CDKL2: variants seen among roughly 807,000 people sequenced by gnomAD.
CDKL2 encodes the protein cyclin-dependent kinase-like 2.
Under a neutral mutation model 63.9 loss-of-function variants are expected in CDKL2, and 64 were observed. That is an observed-to-expected ratio of 1.00 (90% CI 0.82 to 1.23). The LOEUF is 1.23. CDKL2 is among the 50% of genes most tolerant of loss of function. CDKL2 has a pLI of 0.00. For missense variants in CDKL2, 656 were observed against 668.0 expected, an observed-to-expected ratio of 0.98 and a Z score of 0.20; for synonymous variants, 211 against 229.2, an observed-to-expected ratio of 0.92 and a Z score of 0.72.
At chr4:75,592,469 C>G (rs1367837920) in intron 10 of CDKL2, among the ~76,000 whole-genome samples, 200 bp from the exon 11 acceptor site, 1 of 152,158 alleles carries the variant, frequency 6.6e-6, no homozygotes, top group African/African-American at 2.4e-5. Flanking sequence ...ATTAAAATTG[C>G]TAACAAGTAG....
At chr4:75,591,737 A>C in intron 12 of CDKL2, 82 bp downstream of exon 12, 1 of 905,040 alleles carries the variant, frequency 1.1e-6, no homozygotes, top group Non-Finnish European at 1.6e-6. Flanking sequence ...AATTCTTAAG[A>C]GCAAACTCTC....
In CDKL2 at chr4:75,603,944, G is replaced by A. The variant is rs1377013323; in HGVS notation, c.668C>T (p.Pro223Leu). 6.2e-7 allele frequency: 1 copy of A among 1,606,056 alleles called. No individual in the cohort carries two copies. Among genetic ancestry groups the A allele is most frequent in the South Asian group, 1.1e-5 (1 of 89,506 alleles). ...HIMMCLGNLI[P>L]RHQELFNKNP... ...TTTATTAAAAAGCTCCTGATGCCTT[G>A]GAATTAGATTACCTGGAAGTGAAAA... Residue 223 changes from proline to leucine, a missense_variant, in exon 6 of 14, where the codon CCA becomes CTA. By Grantham distance (98) the Pro-to-Leu change is moderately conservative. Transcript: ENST00000307465.
In CDKL2 at chr4:75,627,737, T is replaced by C. The variant is rs531274443; in HGVS notation, c.-29-1720A>G. On this transcript the variant is annotated intron_variant, in intron 1 of 13. Coordinates refer to ENST00000307465, the MANE Select transcript of CDKL2 (RefSeq NM_001330724.2). ...TTTTCTTTACTTTTTTTTTCTTTTT[T>C]TTTTTTTTTTTTTTGAAACGGAGTC... is the stretch of plus-strand genomic sequence containing the variant. Among the ~76,000 whole-genome samples, 648 of 139,866 alleles carry C rather than the reference T, an allele frequency of 4.6e-3. 1 individual carries two copies. Among genetic ancestry groups the C allele is most frequent in the African/African-American group, 6.5e-3 (246 of 38,028 alleles). 91.8% of individuals were successfully genotyped at this position (139,866 alleles called of 152,430 possible).
chr4:75,610,935 T>A (rs937173343), intron 3 of CDKL2, among the ~76,000 whole-genome samples: 6 of 152,172 alleles, frequency 3.9e-5, no homozygotes, highest in Non-Finnish European at 7.4e-5. Flanking sequence ...AACAAAACCT[T>A]AAAATATACC....
chr4:75,591,301 A>G (rs550722022), intron 12 of CDKL2, among the ~76,000 whole-genome samples: 6 of 152,352 alleles, frequency 3.9e-5, no homozygotes, highest in African/African-American at 1.4e-4. Context: ...TAACCTATAA[A>G]AAATGGATTA....
chr4:75,623,205 G>T (rs1052486279), intron 2 of CDKL2, among the ~76,000 whole-genome samples: 8 of 152,112 alleles, frequency 5.3e-5, no homozygotes, highest in Non-Finnish European at 1.2e-4. Flanking sequence ...CTTGAGCCTG[G>T]GAGGCAGAGA....
At chr4:75,605,003 A>T (rs1357072672) in intron 5 of CDKL2, among the ~76,000 whole-genome samples, 1 of 152,172 alleles carries the variant, frequency 6.6e-6, no homozygotes, top group African/African-American at 2.4e-5. Flanking sequence ...GTCTCAAAAA[A>T]TAAAAAAGAA....
chr4:75,593,023 C>A (rs1208899124), intron 10 of CDKL2, among the ~76,000 whole-genome samples: 1 of 152,126 alleles, frequency 6.6e-6, no homozygotes, highest in Non-Finnish European at 1.5e-5. Context: ...TACACACAAA[C>A]ATATGTATAA....
At chr4:75,604,077 A>C in intron 5 of CDKL2, 121 bp from the exon 6 acceptor site, 1 of 900,718 alleles carries the variant, frequency 1.1e-6, no homozygotes, top group South Asian at 1.8e-5. Context: ...GGGCTCTCTC[A>C]ACATGCAAAA....
chr4:75,609,371 T>C lies in CDKL2; in HGVS notation c.364-2010A>G, dbSNP rs371382460. Among the ~76,000 whole-genome samples the C allele has an allele frequency of 9.1e-4, 137 of 149,780 alleles. 2 individuals carry two copies. The East Asian group carries it at 0.02, about 22-fold the overall frequency. ...CCTGTAATCCCAGCACTTTGGGAGGTTGAGGTGGGTGGATCATGAGGTCAG... is the reference window on the plus strand; with the variant it reads ...CCTGTAATCCCAGCACTTTGGGAGGCTGAGGTGGGTGGATCATGAGGTCAG... On this transcript the variant is annotated intron_variant, in intron 3 of 13. Coordinates refer to ENST00000307465, the MANE Select transcript of CDKL2 (RefSeq NM_001330724.2).
At chr4:75,605,207 G>T in intron 5 of CDKL2, among the ~76,000 whole-genome samples, 1 of 152,012 alleles carries the variant, frequency 6.6e-6, no homozygotes, top group East Asian at 1.9e-4. Context: ...TACGAAATTA[G>T]CTGGGCATGG....
At position 75,578,437 on chromosome 4, in the gene CDKL2, C is replaced by T. The variant is rs1728119631; in HGVS notation, c.*765G>A. 1 of 152,208 alleles carries T rather than the reference C, an allele frequency of 6.6e-6. No individual in the cohort carries two copies. Among genetic ancestry groups the T allele is most frequent in the South Asian group, 2.1e-4 (1 of 4,830 alleles). The allele number at this position is 152,208 out of a possible 1,614,324, so 9.4% of individuals were successfully genotyped here. A position where few individuals can be genotyped will look rare whatever the true frequency, so the allele number is the denominator to read the frequency against. Reference sequence around the variant, plus strand: ...TACAATACATGGAACTAACCAATGCCAGAGTTGTAGTAAGTCATTCGAAAG... The same window carrying T: ...TACAATACATGGAACTAACCAATGCTAGAGTTGTAGTAAGTCATTCGAAAG... On this transcript the variant is annotated 3_prime_UTR_variant, in exon 14 of 14. Transcript: ENST00000307465.
intron 3 of CDKL2, among the ~76,000 whole-genome samples, chr4:75,609,196 A>G (rs1203098676): frequency 1.3e-5 from 2 of 152,218 alleles, no homozygotes; most frequent in East Asian, 3.8e-4. Context: ...TGAGCACCCA[A>G]GTATAGACAT....
intron 5 of CDKL2, 150 bp from the exon 6 acceptor site, chr4:75,604,106 G>A (rs1027906976): frequency 3.3e-5 from 22 of 675,530 alleles, no homozygotes; most frequent in South Asian, 1.8e-4. Context: ...AGACAATGCC[G>A]TTACTGTGGT....
chr4:75,626,014 T>C lies in CDKL2; in HGVS notation c.-26A>G. The C allele has an allele frequency of 6.3e-7, 1 of 1,596,006 alleles. No homozygotes were observed. ...TTTAATTTAAAGTCCGTAGAAACTT[T>C]TTGCTGTGAAAACCAAAACATAGAT... is the stretch of plus-strand genomic sequence containing the variant. On this transcript the variant is annotated 5_prime_UTR_variant, in exon 2 of 14. Coordinates refer to ENST00000307465, the MANE Select transcript of CDKL2 (RefSeq NM_001330724.2).
At chr4:75,629,053 A>G (rs1323774179) in intron 1 of CDKL2, among the ~76,000 whole-genome samples, 4 of 151,168 alleles carry the variant, frequency 2.6e-5, no homozygotes, top group Non-Finnish European at 5.9e-5. Flanking sequence ...TTCCACTTCC[A>G]TTAACTATTT....
intron 1 of CDKL2, among the ~76,000 whole-genome samples, chr4:75,626,466 A>G (rs981210980): frequency 3.9e-5 from 6 of 152,132 alleles, no homozygotes; most frequent in African/African-American, 1.4e-4. Flanking sequence ...GGAGATTGAG[A>G]CCATCCTGGC....
chr4:75,600,524 C>T (rs1478540501), intron 6 of CDKL2, among the ~76,000 whole-genome samples, 155 bp from the exon 7 acceptor site: 1 of 151,932 alleles, frequency 6.6e-6, no homozygotes, highest in Non-Finnish European at 1.5e-5. Context: ...GTGGTGTGAT[C>T]ACTACTTAAC....
chr4:75,606,478 G>A (rs1245243021), intron 4 of CDKL2, among the ~76,000 whole-genome samples: 1 of 152,242 alleles, frequency 6.6e-6, no homozygotes, highest in African/African-American at 2.4e-5. Flanking sequence ...CTCCCAAAGT[G>A]CTGGGATTAC....
Sources: gnomAD v4.1 joint callset for allele counts (sites outside exome capture counted in the v4.1 genomes callset) on GRCh38, gnomAD v4.1.1 for gene constraint, MANE v1.5 for transcripts, NCBI Gene and HGNC (gene_info 2026-07-23, HGNC 2026-07-21) for gene names.